PCLO: variants seen among roughly 807,000 people sequenced by gnomAD.
PCLO encodes piccolo presynaptic cytomatrix protein.
A neutral mutation model predicts 427.5 loss-of-function variants in PCLO; 82 were observed. The ratio of observed to expected loss-of-function variants is 0.19; its 90% CI spans 0.16 to 0.23. The LOEUF (loss-of-function observed/expected upper bound fraction) is 0.23. Among genes scored for constraint, PCLO ranks in the 10% least tolerant of loss-of-function variants. The probability of loss-of-function intolerance (pLI) is 1.00; values close to 1 mark genes in which losing one functional copy is unlikely to be tolerated. For synonymous variants in PCLO, 2,357 were observed against 2,155.4 expected, an observed-to-expected ratio of 1.09 and a Z score of -2.59; for missense variants, 6,239 against 6,115.9, an observed-to-expected ratio of 1.02 and a Z score of -0.67.
At position 82,954,403 on chromosome 7, in the gene PCLO, GAGA is replaced by G. The variant is rs772383447; in HGVS notation, c.6547_6549del (p.Ser2183del). 1.2e-6 allele frequency: 2 copies of G among 1,613,816 alleles called. No homozygotes were observed. The highest frequency in any genetic ancestry group is 2.7e-5 in the African/African-American group (2 of 74,918). Reference sequence around the variant, plus strand: ...CAGACCGAAGAAACAGATGATGTGAGAGAAGGTGTGTCAGAGGGTGGGACAGAT... The same window carrying G: ...CAGACCGAAGAAACAGATGATGTGAGAGGTGTGTCAGAGGGTGGGACAGAT... On this transcript the variant is annotated inframe_deletion, in exon 5 of 25. Transcript: ENST00000333891.
At chr7:82,858,086 C>T (rs1300565837) in intron 10 of PCLO, among the ~76,000 whole-genome samples, 3 of 152,150 alleles carry the variant, frequency 2.0e-5, no homozygotes, top group African/African-American at 4.8e-5. Flanking sequence ...TACTAACATA[C>T]TGAATTCAAC....
chr7:82,795,608 ACT>A (rs1278857197), intron 22 of PCLO, among the ~76,000 whole-genome samples: 6 of 152,006 alleles, frequency 3.9e-5, no homozygotes. Context: ...GTAGATTCTA[ACT>A]CTTTTTAATA....
chr7:83,152,430 G>A (rs528984014), intron 2 of PCLO, among the ~76,000 whole-genome samples: 5 of 152,232 alleles, frequency 3.3e-5, no homozygotes, highest in African/African-American at 4.8e-5. Flanking sequence ...TTAGTACAAT[G>A]AACCATCAAA....
At chr7:82,812,813 T>G (rs1562797327) in intron 20 of PCLO, among the ~76,000 whole-genome samples, 2 of 151,470 alleles carry the variant, frequency 1.3e-5, no homozygotes, top group Non-Finnish European at 3.0e-5. Context: ...CAATCTTCCT[T>G]TTATTCTCTT....
chr7:82,989,036 TG>T (rs1796317907), intron 3 of PCLO, among the ~76,000 whole-genome samples: 1 of 151,704 alleles, frequency 6.6e-6, no homozygotes, highest in Non-Finnish European at 1.5e-5. Context: ...GGGGTCAGGC[TG>T]GGTCTCGAAC....
chr7:83,097,905 A>G (rs2023985), intron 3 of PCLO, among the ~76,000 whole-genome samples: 69,710 of 151,846 alleles, frequency 0.46, 16,417 homozygotes, highest in East Asian at 0.71. Flanking sequence ...TTTAACAAAT[A>G]AAATTAATTT....
intron 16 of PCLO, among the ~76,000 whole-genome samples, chr7:82,834,956 G>T (rs199624892): frequency 0.042 from 2,642 of 63,216 alleles, 75 homozygotes; most frequent in African/African-American, 0.09. Flanking sequence ...CTTTTTTTTT[G>T]TTTGTTTGTT....
intron 20 of PCLO, among the ~76,000 whole-genome samples, chr7:82,807,951 G>T (rs1371270438): frequency 6.6e-6 from 1 of 151,900 alleles, no homozygotes; most frequent in Non-Finnish European, 1.5e-5. Context: ...AACCCAGATG[G>T]TGTAGTTAGT....
At chr7:82,892,796 T>C (rs550645669) in intron 9 of PCLO, among the ~76,000 whole-genome samples, 3,091 of 152,118 alleles carry the variant, frequency 0.02, 115 homozygotes, top group African/African-American at 0.07. Context: ...AAGAAGACAT[T>C]TATGCAGACA....
In PCLO at chr7:82,942,867, TA is replaced by T. The variant is rs1284925090; in HGVS notation, c.11112+6608del. Among the ~76,000 whole-genome samples the T allele has an allele frequency of 6.6e-5, 10 of 152,228 alleles. No homozygotes were observed. In the South Asian group the frequency reaches 1.0e-3, roughly 16 times the overall value. On this transcript the variant is annotated intron_variant, in intron 6 of 24. Transcript: ENST00000333891. The stretch of plus-strand genomic sequence containing the variant: ...ACAAAGCTAATCTTTAATATATGAT[TA>T]TTTTTTTCTGACATACATAAATACC...
intron 22 of PCLO, among the ~76,000 whole-genome samples, chr7:82,784,380 C>A (rs2129468214): frequency 6.6e-6 from 1 of 152,280 alleles, no homozygotes; most frequent in South Asian, 2.1e-4. Context: ...CTCTCTCCCT[C>A]ATTTTCTTCA....
In PCLO at chr7:82,953,666, T is replaced by G. The variant is rs1437890727; in HGVS notation, c.7287A>C (p.Pro2429=). Reference sequence around the variant, plus strand: ...GAATAGTTGGTTTAGGTGAAGTTGGTGGAGGAAGTGGTGGGGGAGGAGGGG... The same window carrying G: ...GAATAGTTGGTTTAGGTGAAGTTGGGGGAGGAAGTGGTGGGGGAGGAGGGG... The part of the protein sequence containing the change: ...PPPPPPPPLP[P]PTSPKPTILP... Residue 2429 remains proline, a synonymous_variant, in exon 5 of 25, where the codon CCA becomes CCC. Transcript: ENST00000333891. 2 of 1,316,868 alleles carry G rather than the reference T, an allele frequency of 1.5e-6. No individual in the cohort carries two copies. The highest frequency in any genetic ancestry group is 3.6e-5 in the African/African-American group (2 of 55,188). 81.6% of individuals were successfully genotyped at this position (1,316,868 alleles called of 1,614,324 possible). A position where few individuals can be genotyped will look rare whatever the true frequency, so the allele number is the denominator to read the frequency against.
chr7:82,805,869 T>C, intron 20 of PCLO, 40 bp from the exon 21 acceptor site: 10 of 1,564,324 alleles, frequency 6.4e-6, no homozygotes, highest in Non-Finnish European at 8.7e-6. Flanking sequence ...AGTCAATAAA[T>C]GAAGCTGACA....
At chr7:83,050,227 A>AAAACAAAAAC (rs1554385581) in intron 3 of PCLO, among the ~76,000 whole-genome samples, 1 of 85,620 alleles carries the variant, frequency 1.2e-5, no homozygotes, top group Non-Finnish European at 2.7e-5. Flanking sequence ...AAAAAAAAAA[A>AAAACAAAAAC]AAAAAAAAAA....
intron 3 of PCLO, among the ~76,000 whole-genome samples, chr7:83,128,718 G>T (rs1266597685): frequency 6.6e-6 from 1 of 152,080 alleles, no homozygotes; most frequent in African/African-American, 2.4e-5. Flanking sequence ...GCATTGGAAA[G>T]AATATAACAG....
At chr7:83,020,641 G>A (rs986725006) in intron 3 of PCLO, among the ~76,000 whole-genome samples, 1 of 152,018 alleles carries the variant, frequency 6.6e-6, no homozygotes. Flanking sequence ...CAATACTCCT[G>A]ACCTATAAGA....
At chr7:82,759,946 A>C (rs910169362) in intron 24 of PCLO, among the ~76,000 whole-genome samples, 1 of 151,976 alleles carries the variant, frequency 6.6e-6, no homozygotes, top group Admixed American at 6.6e-5. Context: ...ATAGAAGCAA[A>C]ATGCTTTGTG....
At chr7:83,136,787 T>G (rs1791741545) in intron 2 of PCLO, among the ~76,000 whole-genome samples, 1 of 152,120 alleles carries the variant, frequency 6.6e-6, no homozygotes, top group African/African-American at 2.4e-5. Context: ...ATATATGAGA[T>G]ATACATATAT....
chr7:82,763,680 T>C (rs1043491361), intron 22 of PCLO, among the ~76,000 whole-genome samples: 1 of 152,062 alleles, frequency 6.6e-6, no homozygotes, highest in African/African-American at 2.4e-5. Context: ...CTCTCCTCGC[T>C]CTCTTCCTCT....
Sources: gnomAD v4.1 joint callset for allele counts (sites outside exome capture counted in the v4.1 genomes callset) on GRCh38, gnomAD v4.1.1 for gene constraint, MANE v1.5 for transcripts, NCBI Gene and HGNC (gene_info 2026-07-23, HGNC 2026-07-21) for gene names.